ALOXE3: variants seen among roughly 807,000 people sequenced by gnomAD.
The protein encoded by ALOXE3 is hydroperoxide isomerase ALOXE3.
Under a neutral mutation model 87.5 loss-of-function variants are expected in ALOXE3, and 78 were observed. The observed-to-expected ratio is 0.89, with a 90% CI of 0.74 to 1.08. ALOXE3 has a LOEUF of 1.08. Ranked by LOEUF, ALOXE3 falls within the 50% of genes least tolerant of loss-of-function variation. ALOXE3 has a pLI of 0.00. For synonymous variants in ALOXE3, 363 were observed against 370.8 expected (o/e 0.98, Z 0.24); for missense variants, 946 against 912.4 (o/e 1.04, Z -0.47).
At chr17:8,098,520 G>A (rs1978716104) in intron 15 of ALOXE3, among the ~76,000 whole-genome samples, 1 of 152,028 alleles carries the variant, frequency 6.6e-6, no homozygotes, top group African/African-American at 2.4e-5. Flanking sequence ...GATTACAGGC[G>A]TGAGCCACTA....
At chr17:8,113,873 A>G (rs993024171) in intron 6 of ALOXE3, among the ~76,000 whole-genome samples, 1 of 151,758 alleles carries the variant, frequency 6.6e-6, no homozygotes, top group African/African-American at 2.4e-5. Context: ...CTAAAAATAC[A>G]AAATTAGCCG....
chr17:8,098,234 G>GTTTTTTTTTTTTTTT (rs71159546), intron 15 of ALOXE3, among the ~76,000 whole-genome samples: 1 of 87,484 alleles, frequency 1.1e-5, no homozygotes, highest in African/African-American at 4.1e-5. Context: ...TTTGGTTTTT[G>GTTTTTTTTTTTTTTT]TTTTTTTTTT....
intron 6 of ALOXE3, 132 bp downstream of exon 6, chr17:8,114,352 G>T: frequency 1.6e-6 from 2 of 1,259,202 alleles, no homozygotes; most frequent in Non-Finnish European, 2.3e-6. Flanking sequence ...GAGAGGGAAT[G>T]AGTCCAGAGA....
chr17:8,111,581 T>A lies in ALOXE3; in HGVS notation c.785-50A>T, dbSNP rs1980094474. ...TTGGTCTAGAAACTACTTCCCTAGA[T>A]CCTAGTCCTGCCAAGTCCTTTGCTT... On this transcript the variant is annotated intron_variant, in intron 7 of 15. Transcript: ENST00000448843. 10 of 1,595,228 alleles carry A rather than the reference T, an allele frequency of 6.3e-6. No individual in the cohort carries two copies. In the East Asian group the frequency reaches 2.2e-4, roughly 36 times the overall value.
chr17:8,108,733 A>G, intron 12 of ALOXE3, 144 bp from the exon 13 acceptor site: 1 of 1,262,684 alleles, frequency 7.9e-7, no homozygotes, highest in Non-Finnish European at 1.1e-6. Context: ...CTGGAATCTG[A>G]GTGGCCGGGC....
chr17:8,110,103 G>C lies in ALOXE3; in HGVS notation c.1294C>G (p.Pro432Ala), dbSNP rs1979911442. The change falls in exon 10 of 16, where the codon CCC becomes GCC. Residue 432 changes from proline to alanine, a missense_variant. Pro to Ala is a conservative substitution (Grantham distance 27, BLOSUM62 -1). Transcript: ENST00000448843. ...CCGGGGTCGCGGACCTTGTAGATGGGGTGGCAGAGCGGCAGCTGGCGCAGC... is the reference window on the plus strand; with the variant it reads ...CCGGGGTCGCGGACCTTGTAGATGGCGTGGCAGAGCGGCAGCTGGCGCAGC... The part of the protein sequence containing the change: ...ATLRQLPLCH[P>A]IYKLLLPHTR... The C allele has an allele frequency of 3.1e-6, 5 of 1,613,042 alleles. No individual in the cohort carries two copies. Among genetic ancestry groups the C allele is most frequent in the African/African-American group, 1.3e-5 (1 of 75,014 alleles).
Position 8,118,509 on chromosome 17 carries a change from C to A in ALOXE3, c.-337G>T, listed in dbSNP as rs886053586. 4 of 1,538,876 alleles carry A rather than the reference C, an allele frequency of 2.6e-6. No individual in the cohort carries two copies. The highest frequency in any genetic ancestry group is 3.5e-6 in the Non-Finnish European group (4 of 1,144,066). On this transcript the variant is annotated 5_prime_UTR_variant, in exon 1 of 16. Transcript: ENST00000448843. ...ACCTGCATTCCTACGTGTGAATCAT[C>A]CGTGTGAATCACTAAACAGTGGAGA...
intron 3 of ALOXE3, among the ~76,000 whole-genome samples, chr17:8,116,330 AC>A (rs963043589): frequency 6.6e-6 from 1 of 152,128 alleles, no homozygotes; most frequent in African/African-American, 2.4e-5. Context: ...CCTCTCAGGG[AC>A]CTCATCCACA....
rs1375527019 is a variant in ALOXE3 at position 8,114,593 on chromosome 17, G to A, written c.571C>T (p.Leu191=). 4 of 1,613,856 alleles carry A rather than the reference G, an allele frequency of 2.5e-6. No individual in the cohort carries two copies. The highest frequency in any genetic ancestry group is 3.4e-6 in the Non-Finnish European group (4 of 1,179,966). Residue 191 remains leucine (L), a synonymous_variant, in exon 6 of 16, where the codon CTG becomes TTG. Coordinates refer to ENST00000448843, the MANE Select transcript of ALOXE3 (RefSeq NM_021628.3). ...TCAATTTTCATGGGGAAGCCGGGCA[G>A]GTACCGATTCCCACTGCTGGGGGTC... is the stretch of plus-strand genomic sequence containing the variant. ...DQGDSSGNRY[L]PGFPMKIDIP...
upstream of ALOXE3, chr17:8,118,656 C>T (rs531122917): frequency 3.9e-5 from 60 of 1,537,284 alleles, no homozygotes; most frequent in East Asian, 1.2e-3. Flanking sequence ...GATCCCCCCA[C>T]GCATGGCCCT....
rs773210148 is a variant in ALOXE3 at position 8,116,920 on chromosome 17, G to A, written c.208C>T (p.His70Tyr). The A allele has an allele frequency of 6.2e-7, 1 of 1,614,118 alleles. No homozygotes were observed. The highest frequency in any genetic ancestry group is 1.3e-5 in the African/African-American group (1 of 74,956). ...CGGAAGAAAGCGTAGCGCTCCTTGT[G>A]TACACGCAGCAGCAAGAGCTCACCC... ...ELGELLLLRV[H>Y]KERYAFFRKD... Residue 70 changes from histidine to tyrosine, a missense_variant, in exon 3 of 16, where the codon CAC becomes TAC. Coordinates refer to ENST00000448843, the MANE Select transcript of ALOXE3 (RefSeq NM_021628.3).
chr17:8,097,964 G>A (rs920512774), intron 15 of ALOXE3, among the ~76,000 whole-genome samples: 1 of 151,734 alleles, frequency 6.6e-6, no homozygotes, highest in African/African-American at 2.4e-5. Context: ...AGCCAGGATG[G>A]TCTCGATCTC....
chr17:8,098,665 A>G (rs1978726039), intron 15 of ALOXE3, among the ~76,000 whole-genome samples: 1 of 152,212 alleles, frequency 6.6e-6, no homozygotes, highest in South Asian at 2.1e-4. Context: ...TATGGTATGC[A>G]TCTTTATTGA....
intron 15 of ALOXE3, among the ~76,000 whole-genome samples, chr17:8,101,661 T>G (rs980255843): frequency 2.0e-5 from 3 of 152,014 alleles, no homozygotes; most frequent in Non-Finnish European, 2.9e-5. Flanking sequence ...GTTTTTTGTT[T>G]TTTGTTTTTG....
chr17:8,117,833 T>G lies in ALOXE3; in HGVS notation c.147+11A>C. The stretch of plus-strand genomic sequence containing the variant: ...TCTGAGGTCGCGCTTCCCTGTCTCC[T>G]TTGTACTCACCGATCCAGGGGCGAA... On this transcript the variant is annotated intron_variant, in intron 2 of 15. Coordinates refer to ENST00000448843, the MANE Select transcript of ALOXE3 (RefSeq NM_021628.3). 1 of 1,609,622 alleles carries G rather than the reference T, an allele frequency of 6.2e-7. No homozygotes were observed. Among genetic ancestry groups the G allele is most frequent in the Non-Finnish European group, 8.5e-7 (1 of 1,179,028 alleles).
In ALOXE3 at chr17:8,110,682, C is replaced by A. The variant is rs1479959448; in HGVS notation, c.958-154G>T. On this transcript the variant is annotated intron_variant, in intron 8 of 15. Coordinates refer to ENST00000448843, the MANE Select transcript of ALOXE3 (RefSeq NM_021628.3). Reference sequence around the variant, plus strand: ...CTGAATTAATGGCCAAAGTGGGGTACCCCGCCCTTCCCAAAATGTCCGGAA... The same window carrying A: ...CTGAATTAATGGCCAAAGTGGGGTAACCCGCCCTTCCCAAAATGTCCGGAA... 2.0e-5 allele frequency among the ~76,000 whole-genome samples: 3 copies of A among 152,170 alleles called. No homozygotes were observed. The East Asian group carries it at 5.8e-4, about 29-fold the overall frequency.
At chr17:8,118,338 A>G (rs1980802622) in intron 1 of ALOXE3, 35 bp from the exon 2 acceptor site, 1 of 1,551,648 alleles carries the variant, frequency 6.4e-7, no homozygotes, top group Admixed American at 2.0e-5. Flanking sequence ...GAGATGGAGA[A>G]AAGGAGGTAA....
intron 13 of ALOXE3, 126 bp downstream of exon 13, chr17:8,108,342 C>T: frequency 7.1e-7 from 1 of 1,408,244 alleles, no homozygotes; most frequent in Non-Finnish European, 9.6e-7. Flanking sequence ...TCCATATCTG[C>T]TAGTTGGGGA....
intron 13 of ALOXE3, among the ~76,000 whole-genome samples, chr17:8,107,913 GAA>G (rs1227350998): frequency 3.4e-4 from 2 of 5,922 alleles, no homozygotes; most frequent in Admixed American, 1.6e-3. Flanking sequence ...AAGAAAGAAA[GAA>G]AGAAAGAAAG....
Sources: gnomAD v4.1 joint callset for allele counts (sites outside exome capture counted in the v4.1 genomes callset) on GRCh38, gnomAD v4.1.1 for gene constraint, MANE v1.5 for transcripts, NCBI Gene and HGNC (gene_info 2026-07-23, HGNC 2026-07-21) for gene names.